RAP1GAP2: variants seen among roughly 807,000 people sequenced by gnomAD.
The protein encoded by RAP1GAP2 is rap1 GTPase-activating protein 2.
Under a neutral mutation model 95.0 loss-of-function variants are expected in RAP1GAP2, and 27 were observed. The observed-to-expected ratio is 0.28, with a 90% CI of 0.21 to 0.39. The LOEUF (loss-of-function observed/expected upper bound fraction) is 0.39, where lower values mean the gene tolerates loss of function less well. Ranked by LOEUF, RAP1GAP2 falls within the 10% of genes least tolerant of loss-of-function variation. The pLI is 1.00. For missense variants in RAP1GAP2, 771 were observed against 970.0 expected, an observed-to-expected ratio of 0.79 and a Z score of 2.72; for synonymous variants, 373 against 380.9, an observed-to-expected ratio of 0.98 and a Z score of 0.24.
intron 3 of RAP1GAP2, among the ~76,000 whole-genome samples, chr17:2,937,753 A>G (rs16952515): frequency 0.035 from 5,322 of 152,196 alleles, 189 homozygotes; most frequent in African/African-American, 0.087. Flanking sequence ...TAGCACATGG[A>G]GCTTCCAAAG....
In RAP1GAP2 at chr17:2,796,566, C is replaced by A; in HGVS notation, c.39C>A (p.Phe13Leu). The A allele has an allele frequency of 6.4e-7, 1 of 1,562,612 alleles. No homozygotes were observed. Among genetic ancestry groups the A allele is most frequent in the Admixed American group, 1.9e-5 (1 of 52,162 alleles). The change falls in exon 1 of 25, where the codon TTC becomes TTA. Residue 13 changes from phenylalanine to leucine, a missense_variant. Phe to Leu is a conservative substitution (Grantham distance 22). Transcript: ENST00000254695. The surrounding 1 kb of genome is among the most constrained non-coding windows in gnomAD (Gnocchi z 4.7). Reference protein sequence around the residue: ...GRKRSVSFGGFGWIDKTMLAS... With the variant: ...GRKRSVSFGGLGWIDKTMLAS... ...AGCGCAGTGTCTCCTTTGGGGGCTT[C>A]GGATGGTGGGTGACAGGTGGGAGGG...
intron 2 of RAP1GAP2, among the ~76,000 whole-genome samples, chr17:2,886,310 C>T (rs1476089294): frequency 6.6e-6 from 1 of 151,496 alleles, no homozygotes; most frequent in African/African-American, 2.4e-5. Flanking sequence ...GTAGCTGGTA[C>T]TACAGGCACA....
chr17:3,006,120 C>CA, intron 16 of RAP1GAP2, 79 bp downstream of exon 16: 2 of 409,126 alleles, frequency 4.9e-6, no homozygotes, highest in Non-Finnish European at 8.1e-6. Flanking sequence ...GCTCCTCCAT[C>CA]TTTTTTTTTT....
At chr17:2,958,616 G>A (rs976024691) in intron 4 of RAP1GAP2, among the ~76,000 whole-genome samples, 1 of 151,962 alleles carries the variant, frequency 6.6e-6, no homozygotes, top group Non-Finnish European at 1.5e-5. Flanking sequence ...TGAGAAAATC[G>A]AGGCACAGAA....
In RAP1GAP2 at chr17:2,991,173, G is replaced by A. The variant is rs895010862; in HGVS notation, c.814-124G>A. On this transcript the variant is annotated intron_variant, in intron 11 of 24. Transcript: ENST00000254695. ...CCCAGTCCCACTGAGGGCAGCTATG[G>A]TGGATGTGCTGGGAGACAGGGAGAA... 23 of 763,436 alleles carry A rather than the reference G, an allele frequency of 3.0e-5. No homozygotes were observed. In the African/African-American group the frequency reaches 4.0e-4, roughly 13 times the overall value. The allele number at this position is 763,436 out of a possible 1,614,324, so 47.3% of individuals were successfully genotyped here. A position where few individuals can be genotyped will look rare whatever the true frequency, so the allele number is the denominator to read the frequency against.
At chr17:2,962,600 G>A (rs2044386567) in intron 4 of RAP1GAP2, 70 bp from the exon 5 acceptor site, 1 of 1,475,066 alleles carries the variant, frequency 6.8e-7, no homozygotes, top group African/African-American at 1.4e-5. Context: ...TGTAAGGCCA[G>A]GTGCTCTTTA....
chr17:2,970,571 A>AT (rs2044824004), intron 8 of RAP1GAP2, among the ~76,000 whole-genome samples: 1 of 152,138 alleles, frequency 6.6e-6, no homozygotes, highest in Admixed American at 6.6e-5. Flanking sequence ...AAACACTTGG[A>AT]TTTTTGCCCG....
chr17:2,849,397 A>T (rs932812537), intron 2 of RAP1GAP2, among the ~76,000 whole-genome samples: 1 of 152,154 alleles, frequency 6.6e-6, no homozygotes, highest in Non-Finnish European at 1.5e-5. Flanking sequence ...TGGCTCTCTG[A>T]CGAGGGGCAC....
At chr17:2,938,436 C>T (rs552827356) in intron 3 of RAP1GAP2, among the ~76,000 whole-genome samples, 2 of 152,152 alleles carry the variant, frequency 1.3e-5, no homozygotes, top group Non-Finnish European at 2.9e-5. Context: ...GGGTATGGAG[C>T]GTGACATGTC....
At chr17:2,849,481 T>C (rs1228662848) in intron 2 of RAP1GAP2, among the ~76,000 whole-genome samples, 2 of 152,200 alleles carry the variant, frequency 1.3e-5, no homozygotes, top group African/African-American at 2.4e-5. Context: ...GAAGGCCCTT[T>C]TCTTCAGGGC....
Position 2,857,800 on chromosome 17 carries a change from C to CA in RAP1GAP2, c.81-47480dup, listed in dbSNP as rs1227378655. Among the ~76,000 whole-genome samples the CA allele has an allele frequency of 6.6e-6, 1 of 152,260 alleles. No homozygotes were observed. Among genetic ancestry groups the CA allele is most frequent in the East Asian group, 1.9e-4 (1 of 5,176 alleles). On this transcript the variant is annotated intron_variant, in intron 2 of 24. Transcript: ENST00000254695. The surrounding 1 kb of genome is among the most constrained non-coding windows in gnomAD (Gnocchi z 4.0). ...AAGGACGGAGGCCGAGGAACACGAT[C>CA]AAAATATGTACGTTCTTGGCCGGGC... is the stretch of plus-strand genomic sequence containing the variant.
At chr17:2,895,021 G>T (rs543396473) in intron 2 of RAP1GAP2, among the ~76,000 whole-genome samples, 1 of 152,216 alleles carries the variant, frequency 6.6e-6, no homozygotes, top group South Asian at 2.1e-4. Flanking sequence ...CCTTTTCCCA[G>T]CGTCCGCACA....
chr17:2,992,112 G>GC (rs1227787740), intron 12 of RAP1GAP2, among the ~76,000 whole-genome samples: 3 of 150,966 alleles, frequency 2.0e-5, no homozygotes, highest in African/African-American at 7.3e-5. Context: ...ATCATGAGGA[G>GC]CTGATGCAAA....
chr17:2,799,047 CAG>C (rs2069177033), intron 1 of RAP1GAP2, among the ~76,000 whole-genome samples: 1 of 152,222 alleles, frequency 6.6e-6, no homozygotes, highest in Non-Finnish European at 1.5e-5. Flanking sequence ...ACCCACAACA[CAG>C]GGCTGTTGTA....
chr17:2,862,700 A>G (rs2151622550), intron 2 of RAP1GAP2, among the ~76,000 whole-genome samples: 1 of 152,310 alleles, frequency 6.6e-6, no homozygotes, highest in East Asian at 1.9e-4. Flanking sequence ...ATATAACGTT[A>G]GAAAACCCGA....
intron 12 of RAP1GAP2, among the ~76,000 whole-genome samples, chr17:2,994,326 T>C (rs2151574901): frequency 6.6e-6 from 1 of 152,324 alleles, no homozygotes; most frequent in East Asian, 1.9e-4. Context: ...CTTATTTCAT[T>C]TTCTTAAAGG....
At chr17:2,765,082 G>A (rs1478566535) in intron 1 of RAP1GAP2, among the ~76,000 whole-genome samples, 13 of 152,188 alleles carry the variant, frequency 8.5e-5, no homozygotes, top group Admixed American at 8.5e-4. Context: ...CTACTTTTGA[G>A]CCAGGTTTTA....
intron 2 of RAP1GAP2, among the ~76,000 whole-genome samples, chr17:2,830,577 G>C (rs1054647081): frequency 1.3e-5 from 2 of 151,984 alleles, no homozygotes; most frequent in Admixed American, 6.6e-5. Flanking sequence ...AGCTGGGCGT[G>C]GTGGCGGGCG....
intron 3 of RAP1GAP2, among the ~76,000 whole-genome samples, chr17:2,927,559 C>T (rs2043010898): frequency 6.6e-6 from 1 of 152,172 alleles, no homozygotes; most frequent in Non-Finnish European, 1.5e-5. Context: ...TCATCCAGGC[C>T]CCTCTTCCCA....
Sources: allele counts gnomAD v4.1 joint callset (sites outside exome capture counted in the v4.1 genomes callset), GRCh38; gene constraint gnomAD v4.1.1; non-coding constraint Gnocchi (gnomAD v3.1); transcripts MANE v1.5; gene names NCBI Gene and HGNC (gene_info 2026-07-23, HGNC 2026-07-21).